The following EPB41L2 variants were observed in gnomAD, a reference collection of about 807,000 sequenced individuals.
EPB41L2 encodes erythrocyte membrane protein band 4.1 like 2.
A neutral mutation model predicts 113.0 loss-of-function variants in EPB41L2; 43 were observed. That is an observed-to-expected ratio of 0.38 (90% CI 0.30 to 0.49). The LOEUF (loss-of-function observed/expected upper bound fraction) is 0.49. EPB41L2 is among the 20% of genes least tolerant of loss of function. EPB41L2 has a pLI of 0.95. For missense variants in EPB41L2, 1,147 were observed against 1,223.4 expected (o/e 0.94, Z 0.93); for synonymous variants, 442 against 436.7 (o/e 1.01, Z -0.15).
chr6:130,940,333 G>A (rs1290491695), intron 3 of EPB41L2, among the ~76,000 whole-genome samples: 7 of 152,036 alleles, frequency 4.6e-5, no homozygotes, highest in African/African-American at 1.2e-4. Context: ...TCCTTGATAC[G>A]CAAGGATATA....
At chr6:130,992,189 C>T (rs994350807) in intron 1 of EPB41L2, among the ~76,000 whole-genome samples, 3 of 152,124 alleles carry the variant, frequency 2.0e-5, no homozygotes, top group Admixed American at 6.5e-5. Context: ...CACACTCACA[C>T]ATTTGATATG....
Position 130,869,761 on chromosome 6 carries a change from T to G in EPB41L2, c.2409A>C (p.Ala803=). 6.2e-7 allele frequency: 1 copy of G among 1,614,188 alleles called. No homozygotes were observed. The highest frequency in any genetic ancestry group is 8.5e-7 in the Non-Finnish European group (1 of 1,180,032). ...AVPEASPVTQ[A]GASVITVETV... The stretch of plus-strand genomic sequence containing the variant: ...TTTCTACTGTGATTACACTGGCACC[T>G]GCTTGTGTGACTGGGCTGGCTTCGG... The change falls in exon 15 of 20, where the codon GCA becomes GCC. Residue 803 remains alanine (A), a synonymous_variant. Transcript: ENST00000337057.
chr6:130,945,509 T>C lies in EPB41L2; in HGVS notation c.705+9596A>G, dbSNP rs182191100. Among the ~76,000 whole-genome samples the C allele has an allele frequency of 2.0e-4, 31 of 152,320 alleles. No homozygotes were observed. In the South Asian group the frequency reaches 3.5e-3, roughly 17 times the overall value. On this transcript the variant is annotated intron_variant, in intron 3 of 19. Transcript: ENST00000337057. ...CCTTGATTCTCAGACAAAATCAACA[T>C]GTGGGAACAACTTTGAGATGCCAGA...
intron 19 of EPB41L2, among the ~76,000 whole-genome samples, chr6:130,853,183 A>G (rs1242320459): frequency 6.6e-6 from 1 of 152,224 alleles, no homozygotes; most frequent in African/African-American, 2.4e-5. Flanking sequence ...TGAAAGGATG[A>G]GCAGCCACTC....
chr6:130,952,057 G>A (rs1234851568), intron 3 of EPB41L2, among the ~76,000 whole-genome samples: 1 of 152,158 alleles, frequency 6.6e-6, no homozygotes, highest in Non-Finnish European at 1.5e-5. Flanking sequence ...CCTAGTGAAA[G>A]CTGACAGTGA....
At chr6:130,920,971 G>A (rs1410139456) in intron 4 of EPB41L2, among the ~76,000 whole-genome samples, 6 of 152,116 alleles carry the variant, frequency 3.9e-5, no homozygotes, top group Non-Finnish European at 8.8e-5. Flanking sequence ...CAAGGTCCCT[G>A]TGTAAAAGTC....
intron 3 of EPB41L2, among the ~76,000 whole-genome samples, chr6:130,953,310 A>G (rs369905618): frequency 6.6e-6 from 1 of 152,086 alleles, no homozygotes; most frequent in African/African-American, 2.4e-5. Context: ...AAGGGCAAAC[A>G]AAGTGTTAAA....
At chr6:130,855,641 T>C (rs895952370) in intron 19 of EPB41L2, among the ~76,000 whole-genome samples, 1 of 152,162 alleles carries the variant, frequency 6.6e-6, no homozygotes, top group Non-Finnish European at 1.5e-5. Context: ...ATTAAAAAAC[T>C]ATATAATTTT....
rs35350923 is a variant in EPB41L2 at position 131,044,019 on chromosome 6, C to CT, written c.-15+19135dup. Among the ~76,000 whole-genome samples the CT allele has an allele frequency of 7.0e-3, 723 of 103,016 alleles. 10 individuals carry two copies. Among genetic ancestry groups the CT allele is most frequent in the Middle Eastern group, 0.01 (2 of 200 alleles). The allele number at this position is 103,016 out of a possible 152,430, so 67.6% of individuals were successfully genotyped here. A position where few individuals can be genotyped will look rare whatever the true frequency, so the allele number is the denominator to read the frequency against. ...TATATTTAAAACTTTCTAAATAATG[C>CT]TTTTTTTTTTTTTTTTTTTTGAGAC... On this transcript the variant is annotated intron_variant, in intron 1 of 19. Coordinates refer to ENST00000337057, the MANE Select transcript of EPB41L2 (RefSeq NM_001431.4).
At chr6:130,983,571 C>G (rs1779861631) in intron 1 of EPB41L2, among the ~76,000 whole-genome samples, 1 of 151,356 alleles carries the variant, frequency 6.6e-6, no homozygotes, top group African/African-American at 2.4e-5. Flanking sequence ...AAAGTTCACC[C>G]AGGCTGCAGT....
At chr6:130,849,274 A>C (rs528804093) in intron 19 of EPB41L2, among the ~76,000 whole-genome samples, 5 of 152,204 alleles carry the variant, frequency 3.3e-5, no homozygotes, top group Non-Finnish European at 7.3e-5. Context: ...CTATCTTCTA[A>C]TGTTTAAGCA....
chr6:130,871,894 CAATT>C (rs1785814090), intron 14 of EPB41L2, among the ~76,000 whole-genome samples: 1 of 152,252 alleles, frequency 6.6e-6, no homozygotes, highest in East Asian at 1.9e-4. Flanking sequence ...ATCTTAACCT[CAATT>C]AGCTGGATAG....
Position 130,867,964 on chromosome 6 carries a change from ACACACACACTCTCTCT to A in EPB41L2, c.2608-399_2608-384del, listed in dbSNP as rs749263839. On this transcript the variant is annotated intron_variant, in intron 15 of 19. Transcript: ENST00000337057. ...CACACACACACACACACACACACACACACACACACTCTCTCTCTCTCTCTCTCTCTCTCTCCTCCTC... is the reference window on the plus strand; with the variant it reads ...CACACACACACACACACACACACACACTCTCTCTCTCTCTCTCTCCTCCTC... 677 of 161,704 alleles carry A rather than the reference ACACACACACTCTCTCT, an allele frequency of 4.2e-3. 3 individuals are homozygous for A. Among genetic ancestry groups the A allele is most frequent in the South Asian group, 7.6e-3 (65 of 8,502 alleles). 10.0% of individuals were successfully genotyped at this position (161,704 alleles called of 1,614,324 possible).
At chr6:130,870,274 T>C in intron 14 of EPB41L2, 148 bp from the exon 15 acceptor site, 1 of 1,545,372 alleles carries the variant, frequency 6.5e-7, no homozygotes, top group Non-Finnish European at 8.8e-7. Flanking sequence ...GGGGCAAACG[T>C]GAGGGCAATG....
chr6:130,859,768 C>T (rs1172203023), intron 18 of EPB41L2, among the ~76,000 whole-genome samples: 1 of 146,212 alleles, frequency 6.8e-6, no homozygotes, highest in Admixed American at 6.8e-5. Context: ...AAAAAAAAGA[C>T]ATCATTTTCA....
intron 14 of EPB41L2, among the ~76,000 whole-genome samples, chr6:130,873,878 A>G (rs1786594204): frequency 6.6e-6 from 1 of 152,180 alleles, no homozygotes; most frequent in African/African-American, 2.4e-5. Flanking sequence ...TGAGGGGAGT[A>G]GGCACTTGCA....
intron 4 of EPB41L2, among the ~76,000 whole-genome samples, chr6:130,912,773 C>T (rs1799819375): frequency 6.6e-6 from 1 of 152,112 alleles, no homozygotes; most frequent in Non-Finnish European, 1.5e-5. Flanking sequence ...CATCATTCAG[C>T]CTCTAGCCCA....
At chr6:130,898,881 C>T (rs565633542) in intron 8 of EPB41L2, among the ~76,000 whole-genome samples, 21 of 152,062 alleles carry the variant, frequency 1.4e-4, no homozygotes, top group African/African-American at 4.6e-4. Flanking sequence ...TTTGGGATTA[C>T]GGTGTTCAGG....
At chr6:130,893,380 A>G (rs1237299469) in intron 10 of EPB41L2, among the ~76,000 whole-genome samples, 1 of 152,154 alleles carries the variant, frequency 6.6e-6, no homozygotes. Context: ...CATTAAAGGC[A>G]AAAGGGAAGA....
Sources: allele counts gnomAD v4.1 joint callset (sites outside exome capture counted in the v4.1 genomes callset), GRCh38; gene constraint gnomAD v4.1.1; transcripts MANE v1.5; gene names NCBI Gene and HGNC (gene_info 2026-07-23, HGNC 2026-07-21).